The following CD47 variants were observed in gnomAD, a reference collection of about 807,000 sequenced individuals.
CD47 encodes leukocyte surface antigen CD47.
In CD47, 11 loss-of-function variants were observed where a neutral mutation model predicts 44.6. The ratio of observed to expected loss-of-function variants is 0.25; its 90% CI spans 0.16 to 0.41. The LOEUF (loss-of-function observed/expected upper bound fraction) is 0.41. CD47 is among the 10% of genes least tolerant of loss of function. The pLI, the probability that CD47 is intolerant of heterozygous loss-of-function variation, is 1.00. For synonymous variants in CD47, 140 were observed against 136.3 expected (o/e 1.03, Z -0.19); for missense variants, 306 against 386.7 (o/e 0.79, Z 1.75).
rs1281686148 is a variant in CD47, at chr3:108,046,780, T to C, written c.*508A>G. On this transcript the variant is annotated 3_prime_UTR_variant, in exon 11 of 11. Coordinates refer to ENST00000361309, the MANE Select transcript of CD47 (RefSeq NM_001777.4). ...TGCCTGTACTTAATTTATTATTCCA[T>C]TGACCCAGAAGTGGCAGACACCTCT... is the stretch of plus-strand genomic sequence containing the variant. 1.3e-5 allele frequency: 2 copies of C among 152,480 alleles called. No individual in the cohort carries two copies. Among genetic ancestry groups the C allele is most frequent in the African/African-American group, 2.4e-5 (1 of 41,466 alleles). The allele number at this position is 152,480 out of a possible 1,614,324, so 9.4% of individuals were successfully genotyped here.
At position 108,044,433 on chromosome 3, in the gene CD47, A is replaced by C. The variant is rs1576978502; in HGVS notation, c.*2855T>G. ...AATTAGTCAAAAAAAAAAAAAAAAA[A>C]AAAAAAAAAAAAAACAAAAAAAAAA... On this transcript the variant is annotated 3_prime_UTR_variant, in exon 11 of 11. Transcript: ENST00000361309. The C allele has an allele frequency of 1.5e-4, 2 of 13,050 alleles. No homozygotes were observed. Among genetic ancestry groups the C allele is most frequent in the African/African-American group, 2.5e-4 (1 of 3,970 alleles). The allele number at this position is 13,050 out of a possible 1,614,324, so 0.8% of individuals were successfully genotyped here.
intron 1 of CD47, among the ~76,000 whole-genome samples, chr3:108,084,782 G>T (rs1350208266): frequency 6.6e-6 from 1 of 151,976 alleles, no homozygotes; most frequent in African/African-American, 2.4e-5. Context: ...CTTAGCCATG[G>T]AGAATTCTTA....
chr3:108,078,304 CAAAG>C (rs2108263706), intron 2 of CD47, among the ~76,000 whole-genome samples: 1 of 152,078 alleles, frequency 6.6e-6, no homozygotes, highest in Non-Finnish European at 1.5e-5. Context: ...ATTTTGCAAA[CAAAG>C]ATAAAACAGT....
intron 9 of CD47, among the ~76,000 whole-genome samples, chr3:108,050,201 T>A (rs1459497581): frequency 1.3e-5 from 2 of 152,174 alleles, no homozygotes; most frequent in Non-Finnish European, 2.9e-5. Flanking sequence ...CACTGCAACA[T>A]CTGCCTTCCG....
At chr3:108,061,187 T>C (rs1438066274) in intron 3 of CD47, among the ~76,000 whole-genome samples, 2 of 150,206 alleles carry the variant, frequency 1.3e-5, no homozygotes, top group Non-Finnish European at 3.0e-5. Flanking sequence ...CTCTGCATAA[T>C]ATAGAATGTT....
rs565674551 is a variant in CD47 at position 108,045,402 on chromosome 3, A to C, written c.*1886T>G. The C allele has an allele frequency of 2.0e-5, 3 of 152,768 alleles. No individual in the cohort carries two copies. The highest frequency in any genetic ancestry group is 4.8e-5 in the African/African-American group (2 of 41,580). The allele number at this position is 152,768 out of a possible 1,614,324, so 9.5% of individuals were successfully genotyped here. A position where few individuals can be genotyped will look rare whatever the true frequency, so the allele number is the denominator to read the frequency against. ...GTTAGCAAAATGTAAATATTTTCAG[A>C]AGGAAAAAGTGCTGCAGGAGCCATC... On this transcript the variant is annotated 3_prime_UTR_variant, in exon 11 of 11. Transcript: ENST00000361309.
At chr3:108,074,920 T>G (rs190207263) in intron 2 of CD47, among the ~76,000 whole-genome samples, 79 of 152,302 alleles carry the variant, frequency 5.2e-4, no homozygotes, top group African/African-American at 1.8e-3. Flanking sequence ...CAACATTTTA[T>G]ATAAAGCCAC....
chr3:108,050,678 C>A, intron 8 of CD47, 76 bp from the exon 9 acceptor site: 5 of 563,820 alleles, frequency 8.9e-6, no homozygotes, highest in East Asian at 3.3e-5. Flanking sequence ...CTTATATATG[C>A]TAATATTTAA....
At chr3:108,047,579 T>C (rs1321121161) in intron 10 of CD47, among the ~76,000 whole-genome samples, 1 of 152,236 alleles carries the variant, frequency 6.6e-6, no homozygotes, top group Non-Finnish European at 1.5e-5. Flanking sequence ...GCAAAAGATG[T>C]TGATCCTAGA....
At position 108,082,905 on chromosome 3, in the gene CD47, A is replaced by T. The variant is rs146877918; in HGVS notation, c.47-2561T>A. Among the ~76,000 whole-genome samples the T allele has an allele frequency of 5.5e-3, 838 of 152,126 alleles. 5 individuals are homozygous for T. Among genetic ancestry groups the T allele is most frequent in the African/African-American group, 0.019 (805 of 41,540 alleles). Reference sequence around the variant, plus strand: ...TAACCTTTGCACTAGTAATTAATAAATAAGGGCAGGCCAAAAATATCACTC... The same window carrying T: ...TAACCTTTGCACTAGTAATTAATAATTAAGGGCAGGCCAAAAATATCACTC... On this transcript the variant is annotated intron_variant, in intron 1 of 10. Transcript: ENST00000361309.
rs559681000 is a variant in CD47 at position 108,057,782 on chromosome 3, T to C, written c.785-213A>G. Among the ~76,000 whole-genome samples the C allele has an allele frequency of 8.1e-4, 123 of 152,190 alleles. 1 individual carries two copies. The highest frequency in any genetic ancestry group is 1.5e-3 in the Admixed American group (23 of 15,286). ...ACACATACCTTATCATATCAAGAAA[T>C]GGGAACTGGTGTTTCAAGTCTAAGG... On this transcript the variant is annotated intron_variant, in intron 6 of 10. Transcript: ENST00000361309.
chr3:108,070,435 A>G (rs1399862005), intron 3 of CD47, among the ~76,000 whole-genome samples: 1 of 152,222 alleles, frequency 6.6e-6, no homozygotes, highest in Non-Finnish European at 1.5e-5. Context: ...CATTAACCGT[A>G]ATGCATATTA....
chr3:108,071,139 G>A lies in CD47; in HGVS notation c.444C>T (p.Phe148=), dbSNP rs749634470. The part of the protein sequence containing the change: ...SPNENILIVI[F]PIFAILLFWG... ...AGAACAGGAGTATAGCAAAAATTGG[G>A]AAAATAACAATAAGAATATTTTCAT... Residue 148 remains phenylalanine, a synonymous_variant, in exon 3 of 11, where the codon TTC becomes TTT. Coordinates refer to ENST00000361309, the MANE Select transcript of CD47 (RefSeq NM_001777.4). 3.3e-6 allele frequency: 5 copies of A among 1,504,736 alleles called. No individual in the cohort carries two copies. The highest frequency in any genetic ancestry group is 1.9e-5 in the Admixed American group (1 of 52,206). The allele number at this position is 1,504,736 out of a possible 1,614,324, so 93.2% of individuals were successfully genotyped here. A position where few individuals can be genotyped will look rare whatever the true frequency, so the allele number is the denominator to read the frequency against.
At chr3:108,069,418 T>C (rs1398303213) in intron 3 of CD47, among the ~76,000 whole-genome samples, 2 of 149,184 alleles carry the variant, frequency 1.3e-5, no homozygotes, top group Non-Finnish European at 3.0e-5. Context: ...AAAAAAAAGA[T>C]AACAAAAATG....
rs769594762 is a variant in CD47 at position 108,080,145 on chromosome 3, A to C, written c.246T>G (p.Ser82Arg). The C allele has an allele frequency of 5.6e-6, 9 of 1,613,100 alleles. No homozygotes were observed. Among genetic ancestry groups the C allele is most frequent in the Non-Finnish European group, 6.8e-6 (8 of 1,179,226 alleles). Residue 82 changes from serine to arginine, a missense_variant, in exon 2 of 11, where the codon AGT (serine) becomes AGG (arginine). Physicochemically the swap from Ser to Arg is moderately radical, Grantham distance 110. Around this residue, in one of 5 missense-constraint regions of CD47, gnomAD observed 47 missense variants for 36.2 expected, o/e 1.30. Coordinates refer to ENST00000361309, the MANE Select transcript of CD47 (RefSeq NM_001777.4). Reference sequence around the variant, plus strand: ...ATTGTGAGACTTCAATTTTTGCACTACTAAAGTCAGTGGGGACAGTGGACT... The same window carrying C: ...ATTGTGAGACTTCAATTTTTGCACTCCTAAAGTCAGTGGGGACAGTGGACT... The part of the protein sequence containing the change: ...LNKSTVPTDF[S>R]SAKIEVSQLL...
rs187370141 is a variant in CD47, at chr3:108,066,533, T to G, written c.490+4560A>C. Among the ~76,000 whole-genome samples the G allele has an allele frequency of 2.4e-3, 364 of 152,336 alleles. 1 individual carries two copies. The highest frequency in any genetic ancestry group is 4.5e-3 in the Admixed American group (69 of 15,296). The stretch of plus-strand genomic sequence containing the variant: ...TGTCACTTCTTTTGAAGACTGTTGG[T>G]GACTAGTCACTGTACATCTGATATT... On this transcript the variant is annotated intron_variant, in intron 3 of 10. Transcript: ENST00000361309.
At chr3:108,074,270 G>A (rs888532284) in intron 2 of CD47, among the ~76,000 whole-genome samples, 1 of 152,100 alleles carries the variant, frequency 6.6e-6, no homozygotes, top group Non-Finnish European at 1.5e-5. Flanking sequence ...ACATTTCAAT[G>A]ACAGAGAGGA....
rs200401851 is a variant in CD47 at position 108,057,568 on chromosome 3, C to T, written c.786G>A (p.Ala262=). The change falls in exon 7 of 11, where the codon GCG becomes GCA. Residue 262 remains alanine, a splice_region_variant and synonymous_variant. Transcript: ENST00000361309. ...GAAGAGGGCCATGCATTGGTATACA[C>T]GCTGTAAAAACAAATAAAATTCTGT... ...AVVGLSLCIA[A]CIPMHGPLLI... The T allele has an allele frequency of 2.5e-4, 361 of 1,458,894 alleles. 1 individual carries two copies. The highest frequency in any genetic ancestry group is 3.5e-4 in the Middle Eastern group (2 of 5,692). The allele number at this position is 1,458,894 out of a possible 1,614,324, so 90.4% of individuals were successfully genotyped here. A position where few individuals can be genotyped will look rare whatever the true frequency, so the allele number is the denominator to read the frequency against.
At chr3:108,058,782 C>T (rs774342470) in intron 5 of CD47, among the ~76,000 whole-genome samples, 1 of 152,172 alleles carries the variant, frequency 6.6e-6, no homozygotes, top group Non-Finnish European at 1.5e-5. Flanking sequence ...CTGAGGGAAC[C>T]ATTATGCAAA....
Sources: gnomAD v4.1 joint callset for allele counts (sites outside exome capture counted in the v4.1 genomes callset) on GRCh38, gnomAD v4.1.1 for gene constraint, gnomAD v4.1.1 regional missense constraint, MANE v1.5 for transcripts, NCBI Gene and HGNC (gene_info 2026-07-23, HGNC 2026-07-21) for gene names.